Variants in MCC observed in about 807,000 individuals in gnomAD.
MCC encodes the protein colorectal mutant cancer protein.
Under a neutral mutation model 116.2 loss-of-function variants are expected in MCC, and 90 were observed. That is an observed-to-expected ratio of 0.77 (90% confidence interval 0.65 to 0.92). The LOEUF (loss-of-function observed/expected upper bound fraction) is 0.92, where lower values mean the gene tolerates loss of function less well. Among genes scored for constraint, MCC ranks in the 40% least tolerant of loss-of-function variants. The pLI is 0.00. For missense variants in MCC, 1,516 were observed against 1,312.2 expected (o/e 1.16, Z -2.40); for synonymous variants, 578 against 510.5 (o/e 1.13, Z -1.78).
At chr5:113,402,154 C>A (rs963972898) in intron 1 of MCC, among the ~76,000 whole-genome samples, 4 of 151,992 alleles carry the variant, frequency 2.6e-5, no homozygotes, top group Non-Finnish European at 4.4e-5. Context: ...ATTAGCCCGA[C>A]GTAGTGGCAG....
intron 11 of MCC, among the ~76,000 whole-genome samples, chr5:113,080,029 G>A (rs1455174085): frequency 6.6e-6 from 1 of 152,346 alleles, no homozygotes; most frequent in African/African-American, 2.4e-5. Flanking sequence ...AGACATTTAT[G>A]CAGCCAACAG....
intron 3 of MCC, among the ~76,000 whole-genome samples, chr5:113,218,802 C>T (rs924259147): frequency 6.6e-6 from 1 of 151,280 alleles, no homozygotes; most frequent in Non-Finnish European, 1.5e-5. Flanking sequence ...GGAAAAAAAT[C>T]CTCAGTTTTA....
rs113689471 is a variant in MCC, at chr5:113,059,145, T to TA, written c.2213+4838dup. Among the ~76,000 whole-genome samples the TA allele has an allele frequency of 8.9e-3, 1,329 of 149,746 alleles. 29 individuals are homozygous for TA. The highest frequency in any genetic ancestry group is 0.031 in the African/African-American group (1,269 of 40,866). On this transcript the variant is annotated intron_variant, in intron 14 of 18. Coordinates refer to ENST00000408903, the MANE Select transcript of MCC (RefSeq NM_001085377.2). ...GTATAGTTTTCAAAGAGGAAGGAAA[T>TA]AAAAAAAAAAAATAACAAAAGATCT...
In MCC at chr5:113,023,677, A is replaced by G. The variant is rs956174817; in HGVS notation, c.*3625T>C. 1 of 152,232 alleles carries G rather than the reference A, an allele frequency of 6.6e-6. No homozygotes were observed. Among genetic ancestry groups the G allele is most frequent in the Admixed American group, 6.5e-5 (1 of 15,284 alleles). 9.4% of individuals were successfully genotyped at this position (152,232 alleles called of 1,614,324 possible). ...AATAGAATGATTGGGACATACTCCC[A>G]ATTAAGAATTTGCAAATTGTTTAAA... On this transcript the variant is annotated 3_prime_UTR_variant, in exon 19 of 19. Coordinates refer to ENST00000408903, the MANE Select transcript of MCC (RefSeq NM_001085377.2).
chr5:113,340,470 G>T (rs530384826), intron 3 of MCC, 49 bp downstream of exon 3: 4 of 1,482,834 alleles, frequency 2.7e-6, no homozygotes, highest in Non-Finnish European at 3.8e-6. Context: ...ATTTGTATTG[G>T]AATACAGACA....
At chr5:113,067,504 G>C (rs905510674) in intron 13 of MCC, among the ~76,000 whole-genome samples, 10 of 152,208 alleles carry the variant, frequency 6.6e-5, no homozygotes, top group Non-Finnish European at 1.5e-4. Flanking sequence ...AGGCGTGGTG[G>C]CATGTGCCTG....
At chr5:113,093,129 A>G (rs1755760756) in intron 8 of MCC, among the ~76,000 whole-genome samples, 1 of 152,252 alleles carries the variant, frequency 6.6e-6, no homozygotes, top group South Asian at 2.1e-4. Flanking sequence ...AAAGTAATGC[A>G]AAACACTATC....
chr5:113,376,574 T>TATACACACACGC (rs10633405), intron 2 of MCC, among the ~76,000 whole-genome samples: 1 of 145,774 alleles, frequency 6.9e-6, no homozygotes, highest in African/African-American at 2.6e-5. Flanking sequence ...CCATATTTTA[T>TATACACACACGC]ACACACACAC....
chr5:113,022,226 T>C lies in MCC; in HGVS notation c.*5076A>G, dbSNP rs992215517. On this transcript the variant is annotated 3_prime_UTR_variant, in exon 19 of 19. Coordinates refer to ENST00000408903, the MANE Select transcript of MCC (RefSeq NM_001085377.2). ...TATCAAATAACGCAAAGTAGCTATT[T>C]TACAGCAGCTAAAACTAAAGGCATC... The C allele has an allele frequency of 5.9e-5, 9 of 152,782 alleles. No individual in the cohort carries two copies. Among genetic ancestry groups the C allele is most frequent in the South Asian group, 2.1e-4 (1 of 4,830 alleles). The allele number at this position is 152,782 out of a possible 1,614,324, so 9.5% of individuals were successfully genotyped here.
chr5:113,292,666 T>TTGGCA (rs1766549061), intron 3 of MCC, among the ~76,000 whole-genome samples: 1 of 152,182 alleles, frequency 6.6e-6, no homozygotes, highest in Non-Finnish European at 1.5e-5. Context: ...AGGACTAAAG[T>TTGGCA]CAATTCACAT....
chr5:113,380,717 G>C (rs968438427), intron 2 of MCC, among the ~76,000 whole-genome samples: 1 of 152,208 alleles, frequency 6.6e-6, no homozygotes, highest in Non-Finnish European at 1.5e-5. Flanking sequence ...AAGCAGTTAA[G>C]GGCATGTGAA....
chr5:113,282,547 G>A (rs1355025596), intron 3 of MCC, among the ~76,000 whole-genome samples: 2 of 152,082 alleles, frequency 1.3e-5, no homozygotes, highest in Non-Finnish European at 2.9e-5. Context: ...GACAGAGAGA[G>A]GATACCAAAT....
chr5:113,447,400 A>C (rs1254206858), intron 1 of MCC, among the ~76,000 whole-genome samples: 1 of 152,168 alleles, frequency 6.6e-6, no homozygotes, highest in Non-Finnish European at 1.5e-5. Flanking sequence ...GTTATGTACA[A>C]TTTGAAAAAT....
intron 1 of MCC, among the ~76,000 whole-genome samples, chr5:113,443,748 G>T (rs979882284): frequency 3.9e-5 from 6 of 152,300 alleles, no homozygotes; most frequent in Admixed American, 2.0e-4. Context: ...TATCTCTTGA[G>T]ATAATCATGT....
intron 1 of MCC, among the ~76,000 whole-genome samples, chr5:113,453,052 T>G (rs1417251380): frequency 3.3e-5 from 5 of 152,232 alleles, no homozygotes; most frequent in Non-Finnish European, 7.3e-5. Context: ...TGCTGATTAA[T>G]GTTAATGGCA....
At chr5:113,469,806 T>C (rs1433492536) in intron 1 of MCC, among the ~76,000 whole-genome samples, 1 of 152,218 alleles carries the variant, frequency 6.6e-6, no homozygotes, top group African/African-American at 2.4e-5. Flanking sequence ...ATTATTATTG[T>C]GTGGGAGTCT....
intron 1 of MCC, among the ~76,000 whole-genome samples, chr5:113,389,783 T>A (rs1517210): frequency 0.63 from 95,322 of 152,002 alleles, 32,579 homozygotes; most frequent in African/African-American, 0.91. Context: ...GGAATGATAC[T>A]TAAACTCTCA....
intron 3 of MCC, among the ~76,000 whole-genome samples, chr5:113,152,810 C>T (rs1306897892): frequency 1.3e-5 from 2 of 151,928 alleles, no homozygotes; most frequent in Non-Finnish European, 1.5e-5. Flanking sequence ...ACCAACAGAT[C>T]AATAGCCGAT....
chr5:113,455,371 A>G (rs34476654), intron 1 of MCC, among the ~76,000 whole-genome samples: 10,643 of 151,348 alleles, frequency 0.07, 460 homozygotes, highest in African/African-American at 0.12. Flanking sequence ...TTTATGCTGC[A>G]CTCCCCCCCA....
Sources: gnomAD v4.1 joint callset for allele counts (sites outside exome capture counted in the v4.1 genomes callset) on GRCh38, gnomAD v4.1.1 for gene constraint, MANE v1.5 for transcripts, NCBI Gene and HGNC (gene_info 2026-07-23, HGNC 2026-07-21) for gene names.